The following CDIN1 variants were observed in gnomAD, a reference collection of about 807,000 sequenced individuals.
CDIN1 encodes the protein CDAN1-interacting nuclease 1.
A neutral mutation model predicts 45.3 loss-of-function variants in CDIN1; 33 were observed. The ratio of observed to expected loss-of-function variants is 0.73; its 90% CI spans 0.55 to 0.97. CDIN1 has a LOEUF of 0.97. CDIN1 is among the 50% of genes least tolerant of loss of function. The pLI is 0.00. For synonymous variants in CDIN1, 118 were observed against 124.4 expected (o/e 0.95, Z 0.34); for missense variants, 303 against 339.4 (o/e 0.89, Z 0.84).
At chr15:36,706,008 T>A (rs1162745650) in intron 8 of CDIN1, 1 of 152,226 alleles carries the variant, frequency 6.6e-6, no homozygotes, top group Non-Finnish European at 1.5e-5. Flanking sequence ...CTTATATTAC[T>A]GTTGAAGAAA....
intron 10 of CDIN1, among the ~76,000 whole-genome samples, chr15:36,785,367 C>T (rs1410051372): frequency 6.6e-6 from 1 of 152,170 alleles, no homozygotes; most frequent in Non-Finnish European, 1.5e-5. Context: ...GTCCGGTAGG[C>T]CTCACACTTT....
chr15:36,808,598 A>T lies in CDIN1; in HGVS notation c.*145A>T, dbSNP rs1473049467. The T allele has an allele frequency of 2.7e-6, 3 of 1,092,648 alleles. No individual in the cohort carries two copies. Among genetic ancestry groups the T allele is most frequent in the Non-Finnish European group, 3.9e-6 (3 of 773,060 alleles). 67.7% of individuals were successfully genotyped at this position (1,092,648 alleles called of 1,614,324 possible). A position where few individuals can be genotyped will look rare whatever the true frequency, so the allele number is the denominator to read the frequency against. The stretch of plus-strand genomic sequence containing the variant: ...CGTAGTCACACCACTACCTCTTTAG[A>T]CAAACATATCAAGAGTTTCTGTTTT... On this transcript the variant is annotated 3_prime_UTR_variant, in exon 11 of 11. Transcript: ENST00000566621.
intron 10 of CDIN1, among the ~76,000 whole-genome samples, chr15:36,748,511 C>G (rs1328601598): frequency 2.6e-5 from 4 of 151,916 alleles, no homozygotes; most frequent in Non-Finnish European, 5.9e-5. Flanking sequence ...TTTTCATTTT[C>G]CTTTTTTTTT....
chr15:36,713,377 G>C (rs1353045232), intron 10 of CDIN1, among the ~76,000 whole-genome samples: 1 of 152,034 alleles, frequency 6.6e-6, no homozygotes, highest in Non-Finnish European at 1.5e-5. Flanking sequence ...AAACCAAAGT[G>C]CACTTTGTTG....
At chr15:36,646,503 TTTA>T (rs35696857) in intron 3 of CDIN1, among the ~76,000 whole-genome samples, 123,514 of 151,730 alleles carry the variant, frequency 0.81, 50,300 homozygotes, top group East Asian at 0.96. Context: ...AGTTTGATGA[TTTA>T]TTCAAAAGTC....
chr15:36,584,358 C>T (rs1200160541), intron 1 of CDIN1, among the ~76,000 whole-genome samples: 1 of 152,082 alleles, frequency 6.6e-6, no homozygotes, highest in Non-Finnish European at 1.5e-5. Context: ...TTGCTTAAGC[C>T]TGGGAGTTTG....
Position 36,808,598 on chromosome 15 carries a change from A to G in CDIN1, c.*145A>G, listed in dbSNP as rs1473049467. ...CGTAGTCACACCACTACCTCTTTAGACAAACATATCAAGAGTTTCTGTTTT... is the reference window on the plus strand; with the variant it reads ...CGTAGTCACACCACTACCTCTTTAGGCAAACATATCAAGAGTTTCTGTTTT... On this transcript the variant is annotated 3_prime_UTR_variant, in exon 11 of 11. Transcript: ENST00000566621. 6 of 1,092,648 alleles carry G rather than the reference A, an allele frequency of 5.5e-6. No homozygotes were observed. Among genetic ancestry groups the G allele is most frequent in the Non-Finnish European group, 7.8e-6 (6 of 773,060 alleles). 67.7% of individuals were successfully genotyped at this position (1,092,648 alleles called of 1,614,324 possible).
chr15:36,767,619 A>G (rs2053961795), intron 10 of CDIN1, among the ~76,000 whole-genome samples: 1 of 152,246 alleles, frequency 6.6e-6, no homozygotes, highest in Non-Finnish European at 1.5e-5. Context: ...CCACCTGGAA[A>G]GCTTCACATG....
At chr15:36,630,532 A>C (rs972453052) in intron 1 of CDIN1, among the ~76,000 whole-genome samples, 3 of 152,188 alleles carry the variant, frequency 2.0e-5, no homozygotes, top group South Asian at 2.1e-4. Flanking sequence ...AATATTCCCT[A>C]TTGGTGCTCC....
chr15:36,654,419 A>T (rs2040699583), intron 4 of CDIN1, among the ~76,000 whole-genome samples: 3 of 151,368 alleles, frequency 2.0e-5, no homozygotes. Flanking sequence ...TTTTGTGGAA[A>T]ATTTCAACCA....
Position 36,579,680 on chromosome 15 carries a change from G to T in CDIN1, c.-181G>T. ...GAGGTGCCGGTGGAGCCTGGGACCG[G>T]GCGAGTCTCCGCCCCGCTTTTGCAG... On this transcript the variant is annotated 5_prime_UTR_variant, in exon 1 of 11. Coordinates refer to ENST00000566621, the MANE Select transcript of CDIN1 (RefSeq NM_001321759.2). 1.8e-6 allele frequency: 1 copy of T among 566,510 alleles called. No individual in the cohort carries two copies. The highest frequency in any genetic ancestry group is 3.1e-6 in the Non-Finnish European group (1 of 320,074). The allele number at this position is 566,510 out of a possible 1,614,324, so 35.1% of individuals were successfully genotyped here.
chr15:36,588,347 G>A (rs188549728), intron 1 of CDIN1, among the ~76,000 whole-genome samples: 165 of 152,106 alleles, frequency 1.1e-3, no homozygotes, highest in Non-Finnish European at 1.6e-3. Context: ...ATTCCTATTG[G>A]CCTTGTTTTT....
At chr15:36,602,375 T>C (rs537195280) in intron 1 of CDIN1, among the ~76,000 whole-genome samples, 6 of 152,342 alleles carry the variant, frequency 3.9e-5, no homozygotes, top group African/African-American at 1.2e-4. Flanking sequence ...AAAAACACTT[T>C]TGGGACTTCT....
At chr15:36,696,118 A>G (rs2042416038) in intron 7 of CDIN1, among the ~76,000 whole-genome samples, 1 of 152,234 alleles carries the variant, frequency 6.6e-6, no homozygotes, top group South Asian at 2.1e-4. Context: ...CATCTATAAA[A>G]TAAGGATTGT....
intron 10 of CDIN1, among the ~76,000 whole-genome samples, chr15:36,779,318 A>G (rs919356352): frequency 6.6e-6 from 1 of 152,172 alleles, no homozygotes; most frequent in African/African-American, 2.4e-5. Context: ...TTATTCTCTT[A>G]CAAACATGGC....
chr15:36,719,385 A>G (rs1421137122), intron 10 of CDIN1, among the ~76,000 whole-genome samples: 1 of 152,194 alleles, frequency 6.6e-6, no homozygotes, highest in Non-Finnish European at 1.5e-5. Context: ...CGATGATCAT[A>G]TAAGTTTCTT....
At chr15:36,620,448 G>A (rs1193568150) in intron 1 of CDIN1, among the ~76,000 whole-genome samples, 1 of 152,164 alleles carries the variant, frequency 6.6e-6, no homozygotes, top group African/African-American at 2.4e-5. Context: ...AAAATTCCCT[G>A]TGATTCCCCC....
rs570053654 is a variant in CDIN1 at position 36,618,108 on chromosome 15, G to A, written c.102-26170G>A. Reference sequence around the variant, plus strand: ...CCTTACTTTGAAACACCACTGGCCCGCTTTCCCAATGGTAGTTTTGTGAAT... The same window carrying A: ...CCTTACTTTGAAACACCACTGGCCCACTTTCCCAATGGTAGTTTTGTGAAT... On this transcript the variant is annotated intron_variant, in intron 1 of 10. Transcript: ENST00000566621. 3.2e-4 allele frequency: 235 copies of A among 732,968 alleles called. 1 individual carries two copies. In the East Asian group the frequency reaches 4.1e-3, roughly 13 times the overall value. 45.4% of individuals were successfully genotyped at this position (732,968 alleles called of 1,614,324 possible).
intron 1 of CDIN1, among the ~76,000 whole-genome samples, chr15:36,596,539 C>T (rs562406331): frequency 6.6e-6 from 1 of 152,114 alleles, no homozygotes; most frequent in East Asian, 1.9e-4. Flanking sequence ...GTATGCAGAA[C>T]AGTTCAAAAT....
Sources: gnomAD v4.1 joint callset for allele counts (sites outside exome capture counted in the v4.1 genomes callset) on GRCh38, gnomAD v4.1.1 for gene constraint, MANE v1.5 for transcripts, NCBI Gene and HGNC (gene_info 2026-07-23, HGNC 2026-07-21) for gene names.